The following CTBS variants were observed in gnomAD, a reference collection of about 807,000 sequenced individuals.
CTBS encodes chitobiase, also known as di-N-acetylchitobiase.
Under a neutral mutation model 44.3 loss-of-function variants are expected in CTBS, and 35 were observed. The ratio of observed to expected loss-of-function variants is 0.79; its 90% confidence interval spans 0.60 to 1.05. The LOEUF (loss-of-function observed/expected upper bound fraction) is 1.05, where lower values mean the gene tolerates loss of function less well. CTBS is among the 50% of genes least tolerant of loss of function. The probability of loss-of-function intolerance (pLI) is 0.00; values close to 1 mark genes in which losing one functional copy is unlikely to be tolerated. For synonymous variants in CTBS, 143 were observed against 168.0 expected (o/e 0.85, Z 1.15); for missense variants, 458 against 475.3 (o/e 0.96, Z 0.34).
Position 84,566,000 on chromosome 1 carries a change from C to T in CTBS, c.538G>A (p.Val180Ile). 6.5e-7 allele frequency: 1 copy of T among 1,542,532 alleles called. No homozygotes were observed. Among genetic ancestry groups the T allele is most frequent in the Non-Finnish European group, 8.7e-7 (1 of 1,145,168 alleles). Residue 180 changes from valine (V) to isoleucine (I), a missense_variant, in exon 4 of 7, where the codon GTA becomes ATA. Transcript: ENST00000370630. ...EIEGSQVTFD[V>I]AWSPKNIDRR... is the part of the protein sequence containing the mutation. ...TCTATGTTCTTTGGAGACCAAGCTA[C>T]ATCAAAGGTTACCTGTGGAAAAAAA...
rs2102010413 is a variant in CTBS, at chr1:84,552,279, T to G, written c.*2720A>C. 6.6e-6 allele frequency: 1 copy of G among 152,324 alleles called. No homozygotes were observed. The allele number at this position is 152,324 out of a possible 1,614,324, so 9.4% of individuals were successfully genotyped here. On this transcript the variant is annotated 3_prime_UTR_variant, in exon 7 of 7. Transcript: ENST00000370630. ...GCTTCTCAAAGTTTAATATATCATC[T>G]GAGGATCCTGTTTAAAAATGCAGGA...
chr1:84,558,446 C>T (rs1215068827), intron 6 of CTBS, among the ~76,000 whole-genome samples: 14 of 151,398 alleles, frequency 9.2e-5, no homozygotes, highest in Admixed American at 7.2e-4. Context: ...CCCGCCACTA[C>T]GCCCGGCTAA....
chr1:84,572,450 A>G (rs959780934), intron 1 of CTBS, among the ~76,000 whole-genome samples: 5 of 151,402 alleles, frequency 3.3e-5, no homozygotes, highest in African/African-American at 1.2e-4. Context: ...AAAAAAAAAA[A>G]GCTGGGTGAA....
Position 84,551,781 on chromosome 1 carries a change from T to A in CTBS, c.*3218A>T, listed in dbSNP as rs905854712. ...TAATTTGTTCAATGAAGGAAAACTG[T>A]CTATTCAATATATGGAGATAAAGCC... On this transcript the variant is annotated 3_prime_UTR_variant, in exon 7 of 7. Coordinates refer to ENST00000370630, the MANE Select transcript of CTBS (RefSeq NM_004388.3). 9 of 152,150 alleles carry A rather than the reference T, an allele frequency of 5.9e-5. No homozygotes were observed. The highest frequency in any genetic ancestry group is 3.9e-4 in the Admixed American group (6 of 15,252). The allele number at this position is 152,150 out of a possible 1,614,324, so 9.4% of individuals were successfully genotyped here.
At chr1:84,558,375 C>A (rs367840639) in intron 6 of CTBS, among the ~76,000 whole-genome samples, 2 of 150,644 alleles carry the variant, frequency 1.3e-5, no homozygotes, top group East Asian at 2.0e-4. Flanking sequence ...CTGCAAGCTC[C>A]GCCTCCCGGG....
chr1:84,556,659 C>A (rs1300820250), intron 6 of CTBS, among the ~76,000 whole-genome samples: 1 of 141,736 alleles, frequency 7.1e-6, no homozygotes, highest in East Asian at 2.1e-4. Context: ...TTGCAGTAAG[C>A]TGAGATCACG....
At chr1:84,556,205 A>G (rs1448778599) in intron 6 of CTBS, among the ~76,000 whole-genome samples, 1 of 152,196 alleles carries the variant, frequency 6.6e-6, no homozygotes, top group East Asian at 1.9e-4. Context: ...CACATGAGCT[A>G]TTGGATAAGA....
chr1:84,563,215 A>G (rs763856534), intron 6 of CTBS, 42 bp downstream of exon 6: 7 of 1,285,102 alleles, frequency 5.4e-6, no homozygotes, highest in Non-Finnish European at 7.2e-6. Context: ...ATAATTACAA[A>G]AACTAATAGA....
At chr1:84,563,599 T>C (rs781106337) in intron 5 of CTBS, 136 bp downstream of exon 5, 3 of 655,944 alleles carry the variant, frequency 4.6e-6, no homozygotes, top group South Asian at 4.5e-5. Context: ...TAAGCTTTCA[T>C]AGAAGTAAAA....
intron 6 of CTBS, among the ~76,000 whole-genome samples, chr1:84,556,772 T>G (rs1397314490): frequency 2.6e-5 from 4 of 151,066 alleles, no homozygotes; most frequent in African/African-American, 9.8e-5. Context: ...ATGAATACAC[T>G]GCGGCATATT....
intron 6 of CTBS, among the ~76,000 whole-genome samples, chr1:84,558,096 G>T (rs1420419417): frequency 1.3e-5 from 2 of 152,056 alleles, no homozygotes; most frequent in East Asian, 3.9e-4. Flanking sequence ...GTATCCCGTG[G>T]TAACTATAGT....
rs1352986669 is a variant in CTBS, at chr1:84,559,194, T to G, written c.958-3995A>C. ...GCTCATTTTGTGTCTGTGTCACATT[T>G]TGGCAATTCTTAAAATATTCCAAAC... On this transcript the variant is annotated intron_variant, in intron 6 of 6. Coordinates refer to ENST00000370630, the MANE Select transcript of CTBS (RefSeq NM_004388.3). 3.9e-5 allele frequency among the ~76,000 whole-genome samples: 6 copies of G among 152,242 alleles called. No homozygotes were observed. In the East Asian group the frequency reaches 1.2e-3, roughly 29 times the overall value.
At chr1:84,559,302 C>A (rs1000726078) in intron 6 of CTBS, among the ~76,000 whole-genome samples, 1 of 152,106 alleles carries the variant, frequency 6.6e-6, no homozygotes, top group Non-Finnish European at 1.5e-5. Context: ...TTTGTGGGCA[C>A]CATGAACTGC....
At position 84,557,841 on chromosome 1, in the gene CTBS, T is replaced by C. The variant is rs1558623887; in HGVS notation, c.958-2642A>G. On this transcript the variant is annotated intron_variant, in intron 6 of 6. Coordinates refer to ENST00000370630, the MANE Select transcript of CTBS (RefSeq NM_004388.3). ...CCACTGCACACCAGCGTGGGCGACA[T>C]AGTGAGACTCCATCTCAAAAAAAAA... Among the ~76,000 whole-genome samples the C allele has an allele frequency of 2.1e-5, 3 of 142,872 alleles. No homozygotes were observed. The South Asian group carries it at 6.7e-4, about 32-fold the overall frequency. 93.7% of individuals were successfully genotyped at this position (142,872 alleles called of 152,430 possible). A position where few individuals can be genotyped will look rare whatever the true frequency, so the allele number is the denominator to read the frequency against.
Position 84,550,437 on chromosome 1 carries a change from C to G in CTBS, c.*4562G>C, listed in dbSNP as rs991958742. ...ATATCTATCTATCCACACAGAATTA[C>G]CTAATAATCCAGATCACTGAGGTAC... On this transcript the variant is annotated 3_prime_UTR_variant, in exon 7 of 7. Coordinates refer to ENST00000370630, the MANE Select transcript of CTBS (RefSeq NM_004388.3). 7.9e-6 allele frequency: 12 copies of G among 1,519,106 alleles called. No homozygotes were observed. Among genetic ancestry groups the G allele is most frequent in the Non-Finnish European group, 1.1e-5 (12 of 1,126,582 alleles). 94.1% of individuals were successfully genotyped at this position (1,519,106 alleles called of 1,614,324 possible). A position where few individuals can be genotyped will look rare whatever the true frequency, so the allele number is the denominator to read the frequency against.
chr1:84,552,969 A>T lies in CTBS; in HGVS notation c.*2030T>A. On this transcript the variant is annotated 3_prime_UTR_variant, in exon 7 of 7. Coordinates refer to ENST00000370630, the MANE Select transcript of CTBS (RefSeq NM_004388.3). The stretch of plus-strand genomic sequence containing the variant: ...CGGTTACAAAAACCCTGTTTACATG[A>T]CAACTATGATGTACTTTTAGAAGGG... The T allele has an allele frequency of 1.8e-6, 2 of 1,086,026 alleles. No individual in the cohort carries two copies. The highest frequency in any genetic ancestry group is 2.6e-6 in the Non-Finnish European group (2 of 760,334). 67.3% of individuals were successfully genotyped at this position (1,086,026 alleles called of 1,614,324 possible).
chr1:84,574,342 AGCAGCGC>A lies in CTBS; in HGVS notation c.67_73del (p.Ala23TrpfsTer78), dbSNP rs1423674144. Reference sequence around the variant, plus strand: ...CAGCGCCAGCAGCGCCAGCAGCGCCAGCAGCGCTAGACCCGGGACGCCGCTCGGCGGG... The same window carrying A: ...CAGCGCCAGCAGCGCCAGCAGCGCCATAGACCCGGGACGCCGCTCGGCGGG... On this transcript the variant is annotated frameshift_variant, in exon 1 of 7. Coordinates refer to ENST00000370630, the MANE Select transcript of CTBS (RefSeq NM_004388.3). LOFTEE classifies it high-confidence loss of function. The A allele has an allele frequency of 2.2e-6, 3 of 1,353,462 alleles. No individual in the cohort carries two copies. Among genetic ancestry groups the A allele is most frequent in the Non-Finnish European group, 3.1e-6 (3 of 981,892 alleles). 83.8% of individuals were successfully genotyped at this position (1,353,462 alleles called of 1,614,324 possible).
In CTBS at chr1:84,563,306, G is replaced by A. The variant is rs749193629; in HGVS notation, c.908C>T (p.Ser303Phe). Residue 303 changes from serine to phenylalanine, a missense_variant, in exon 6 of 7, where the codon TCT becomes TTT. Coordinates refer to ENST00000370630, the MANE Select transcript of CTBS (RefSeq NM_004388.3). ...CTGATCTTTATCCCATAGGTTTCCA[G>A]AAATAGAACTATTTATTTGCTTCAT... is the stretch of plus-strand genomic sequence containing the variant. ...TIMKQINSSI[S>F]GNLWDKDQRA... 7 of 1,592,784 alleles carry A rather than the reference G, an allele frequency of 4.4e-6. No homozygotes were observed. Among genetic ancestry groups the A allele is most frequent in the East Asian group, 2.3e-5 (1 of 43,148 alleles).
At position 84,571,644 on chromosome 1, in the gene CTBS, G is replaced by T. The variant is rs1200369052; in HGVS notation, c.178-924C>A. ...GAATTTCCAATAAGGTACAAGGAGA[G>T]TATTTTGCTAGGCTCTAAGGAGATA... On this transcript the variant is annotated intron_variant, in intron 1 of 6. Transcript: ENST00000370630. Among the ~76,000 whole-genome samples the T allele has an allele frequency of 3.3e-5, 5 of 152,172 alleles. No homozygotes were observed. The East Asian group carries it at 9.6e-4, about 29-fold the overall frequency.
Sources: gnomAD v4.1 joint callset for allele counts (sites outside exome capture counted in the v4.1 genomes callset) on GRCh38, gnomAD v4.1.1 for gene constraint, MANE v1.5 for transcripts, NCBI Gene and HGNC (gene_info 2026-07-23, HGNC 2026-07-21) for gene names.